The following GAS2 variants were observed in gnomAD, a reference collection of about 807,000 sequenced individuals.
GAS2 encodes growth arrest specific 2.
GAS2 carries 20 observed loss-of-function variants against 37.5 expected under a neutral mutation model. That is an observed-to-expected ratio of 0.53 (90% confidence interval 0.37 to 0.77). The LOEUF (loss-of-function observed/expected upper bound fraction) is 0.77, where lower values mean the gene tolerates loss of function less well. GAS2 is among the 30% of genes least tolerant of loss of function. The pLI, the probability that GAS2 is intolerant of heterozygous loss-of-function variation, is 0.00. For missense variants in GAS2, 336 were observed against 373.4 expected, an observed-to-expected ratio of 0.90 and a Z score of 0.82; for synonymous variants, 144 against 132.2, an observed-to-expected ratio of 1.09 and a Z score of -0.61.
intron 4 of GAS2, 116 bp downstream of exon 4, chr11:22,726,549 A>G: frequency 1.2e-6 from 1 of 837,040 alleles, no homozygotes. Context: ...TATTAGCTTA[A>G]AAAGTCTGAG....
intron 7 of GAS2, among the ~76,000 whole-genome samples, chr11:22,797,635 A>T (rs760022459): frequency 4.9e-4 from 75 of 152,112 alleles, no homozygotes; most frequent in Non-Finnish European, 9.3e-4. Context: ...CTCTATCCAG[A>T]TAATGGTAAC....
chr11:22,757,524 C>A (rs1326302529), intron 7 of GAS2, among the ~76,000 whole-genome samples: 1 of 152,090 alleles, frequency 6.6e-6, no homozygotes, highest in Non-Finnish European at 1.5e-5. Flanking sequence ...GGTGAACCTG[C>A]AATAAGAGAG....
chr11:22,724,518 T>TG (rs56964226), intron 3 of GAS2, among the ~76,000 whole-genome samples: 152,148 of 152,148 alleles, frequency 1, 76,074 homozygotes, highest in Non-Finnish European at 1. Flanking sequence ...TTAATGTTTA[T>TG]AATACTTTAC....
chr11:22,771,628 T>C (rs1482893343), intron 7 of GAS2, among the ~76,000 whole-genome samples: 1 of 152,200 alleles, frequency 6.6e-6, no homozygotes, highest in Non-Finnish European at 1.5e-5. Context: ...TTAATAATTA[T>C]ATCTAGAAAG....
chr11:22,664,377 A>C (rs337497), upstream of GAS2, among the ~76,000 whole-genome samples: 148,310 of 152,188 alleles, frequency 0.97, 72,387 homozygotes, highest in East Asian at 1. Flanking sequence ...AAAAGTATTT[A>C]TTAGAGAAAT....
At chr11:22,693,959 TG>T (rs1322066509) in intron 3 of GAS2, among the ~76,000 whole-genome samples, 1 of 152,128 alleles carries the variant, frequency 6.6e-6, no homozygotes, top group African/African-American at 2.4e-5. Context: ...GGTATCTAAA[TG>T]ATGAGAACCC....
rs141753581 is a variant in GAS2 at position 22,670,129 on chromosome 11, G to A, written c.-21+3230G>A. On this transcript the variant is annotated intron_variant, in intron 1 of 7. Transcript: ENST00000454584. ...CACTGTTTATTTTTAATTTTAAAAGGTAACGTGATTGACCAATAAACTATT... is the reference window on the plus strand; with the variant it reads ...CACTGTTTATTTTTAATTTTAAAAGATAACGTGATTGACCAATAAACTATT... Among the ~76,000 whole-genome samples the A allele has an allele frequency of 4.9e-4, 75 of 152,282 alleles. 1 individual carries two copies. The highest frequency in any genetic ancestry group is 1.7e-3 in the African/African-American group (69 of 41,572).
chr11:22,743,496 A>G (rs1046172043), intron 5 of GAS2, among the ~76,000 whole-genome samples: 2 of 152,100 alleles, frequency 1.3e-5, no homozygotes, highest in African/African-American at 4.8e-5. Flanking sequence ...TAGAATTTCC[A>G]TTTTATATTT....
intron 3 of GAS2, among the ~76,000 whole-genome samples, chr11:22,714,632 A>G (rs1300558361): frequency 6.6e-6 from 1 of 152,234 alleles, no homozygotes; most frequent in Non-Finnish European, 1.5e-5. Context: ...AAGTCTCAAT[A>G]AATTTAAGAA....
chr11:22,715,647 G>A (rs1393387093), intron 3 of GAS2, among the ~76,000 whole-genome samples: 1 of 151,762 alleles, frequency 6.6e-6, no homozygotes, highest in Non-Finnish European at 1.5e-5. Flanking sequence ...GATTAAACCA[G>A]GAAGAAATAG....
At chr11:22,700,564 A>G (rs1014080227) in intron 3 of GAS2, among the ~76,000 whole-genome samples, 11 of 152,234 alleles carry the variant, frequency 7.2e-5, no homozygotes, top group African/African-American at 2.7e-4. Flanking sequence ...AAACTAGTTA[A>G]GAAAAAGTGG....
chr11:22,695,163 TA>T (rs547188793), intron 3 of GAS2, among the ~76,000 whole-genome samples: 3 of 151,496 alleles, frequency 2.0e-5, no homozygotes, highest in African/African-American at 7.3e-5. Flanking sequence ...CTACCAAAAA[TA>T]AAAAAAATTA....
intron 3 of GAS2, among the ~76,000 whole-genome samples, chr11:22,711,900 T>G (rs1001918226): frequency 2.0e-5 from 3 of 152,138 alleles, no homozygotes; most frequent in Admixed American, 6.6e-5. Context: ...TGCCCCTACC[T>G]GATGGTTTTT....
intron 3 of GAS2, among the ~76,000 whole-genome samples, chr11:22,700,443 G>C (rs75238288): frequency 6.6e-6 from 1 of 152,114 alleles, no homozygotes; most frequent in Non-Finnish European, 1.5e-5. Context: ...TTTTCCAGTC[G>C]TAAAGACGGA....
chr11:22,808,210 T>C (rs1175468021), intron 7 of GAS2, among the ~76,000 whole-genome samples: 1 of 152,310 alleles, frequency 6.6e-6, no homozygotes, highest in South Asian at 2.1e-4. Flanking sequence ...ATAGCTCTTA[T>C]CAAAGGAACC....
At position 22,811,877 on chromosome 11, in the gene GAS2, C is replaced by G; in HGVS notation, c.803C>G (p.Pro268Arg). The G allele has an allele frequency of 6.2e-7, 1 of 1,614,108 alleles. No individual in the cohort carries two copies. The highest frequency in any genetic ancestry group is 8.5e-7 in the Non-Finnish European group (1 of 1,180,004). ...GCAGGGTATTTGTTGAAACACGACCCCTGCCGAATGCTGCAGATCTCCCGT... is the reference window on the plus strand; with the variant it reads ...GCAGGGTATTTGTTGAAACACGACCGCTGCCGAATGCTGCAGATCTCCCGT... ...TFAGYLLKHD[P>R]CRMLQISRVD... The change falls in exon 8 of 8, where the codon CCC becomes CGC. Residue 268 changes from proline (P) to arginine (R), a missense_variant. Physicochemically the swap from Pro to Arg is moderately radical, Grantham distance 103. Transcript: ENST00000454584.
intron 1 of GAS2, among the ~76,000 whole-genome samples, chr11:22,636,364 C>T (rs1444351990): frequency 1.3e-5 from 2 of 152,036 alleles, no homozygotes; most frequent in Non-Finnish European, 2.9e-5. Flanking sequence ...CCTCACGGGC[C>T]CTGGTAAGGA....
At chr11:22,765,502 G>A (rs767023373) in intron 7 of GAS2, among the ~76,000 whole-genome samples, 17 of 152,082 alleles carry the variant, frequency 1.1e-4, no homozygotes, top group South Asian at 4.2e-4. Context: ...GAGATTGGCC[G>A]GGGGCAGTGG....
intron 7 of GAS2, among the ~76,000 whole-genome samples, chr11:22,785,213 T>C (rs1012963405): frequency 1.6e-4 from 25 of 152,084 alleles, no homozygotes; most frequent in African/African-American, 5.6e-4. Context: ...CCCATAGCAC[T>C]CAGAAAGTGC....
Sources: allele counts gnomAD v4.1 joint callset (sites outside exome capture counted in the v4.1 genomes callset), GRCh38; gene constraint gnomAD v4.1.1; transcripts MANE v1.5; gene names NCBI Gene and HGNC (gene_info 2026-07-23, HGNC 2026-07-21).